The following EEF1G variants were observed in gnomAD, a reference collection of about 807,000 sequenced individuals.
The protein encoded by EEF1G is eukaryotic translation elongation factor 1 gamma, also known as elongation factor 1-gamma.
EEF1G carries 14 observed loss-of-function variants against 58.3 expected under a neutral mutation model. The ratio of observed to expected loss-of-function variants is 0.24; its 90% CI spans 0.16 to 0.38. EEF1G has a LOEUF of 0.38. Among genes scored for constraint, EEF1G ranks in the 10% least tolerant of loss-of-function variants. EEF1G has a pLI of 1.00. For synonymous variants in EEF1G, 180 were observed against 206.8 expected (o/e 0.87, Z 1.11); for missense variants, 322 against 550.1 (o/e 0.59, Z 4.15).
chr11:62,567,833 C>T (rs1202413449), intron 5 of EEF1G, among the ~76,000 whole-genome samples: 2 of 151,650 alleles, frequency 1.3e-5, no homozygotes, highest in African/African-American at 4.8e-5. Flanking sequence ...GCCTCCCATG[C>T]CTTAGCCTTC....
At chr11:62,561,683 A>AAAAAAAAAAAAAAC (rs1941497542) in intron 7 of EEF1G, among the ~76,000 whole-genome samples, 1 of 6,938 alleles carries the variant, frequency 1.4e-4, no homozygotes, top group Non-Finnish European at 3.5e-4. Flanking sequence ...AAAAAAAAAC[A>AAAAAAAAAAAAAAC]AAAAAAAAAA....
chr11:62,562,422 T>C (rs554610592), intron 7 of EEF1G, among the ~76,000 whole-genome samples: 31 of 150,948 alleles, frequency 2.1e-4, no homozygotes, highest in Middle Eastern at 3.4e-3. Flanking sequence ...TACATACACA[T>C]ATATATATAT....
chr11:62,573,131 T>G (rs1009826991), intron 1 of EEF1G: 1 of 162,914 alleles, frequency 6.1e-6, no homozygotes, highest in African/African-American at 2.4e-5. Flanking sequence ...GCCTGCCTAC[T>G]CTACTGCTCA....
rs756807670 is a variant in EEF1G at position 62,570,934 on chromosome 11, C to G, written c.522+31G>C. The G allele has an allele frequency of 6.8e-6, 11 of 1,613,180 alleles. No homozygotes were observed. In the East Asian group the frequency reaches 1.1e-4, roughly 16 times the overall value. ...ACTTTGTTTCTAATCCCCATCTACC[C>G]ACTGCCAAATGGATTTTCCATAAAC... On this transcript the variant is annotated intron_variant, in intron 5 of 9. Coordinates refer to ENST00000329251, the MANE Select transcript of EEF1G (RefSeq NM_001404.5).
intron 1 of EEF1G, chr11:62,573,074 C>T: frequency 5.5e-6 from 1 of 183,084 alleles, no homozygotes; most frequent in South Asian, 1.5e-4. Context: ...CAAACATACT[C>T]TCCTCCCTTC....
intron 7 of EEF1G, among the ~76,000 whole-genome samples, chr11:62,566,036 C>T (rs1238971391): frequency 2.6e-5 from 4 of 152,054 alleles, no homozygotes; most frequent in Non-Finnish European, 5.9e-5. Flanking sequence ...AGAGGAGTTC[C>T]AAAGCAAAGT....
At chr11:62,571,340 A>T (rs1236259057) in intron 4 of EEF1G, among the ~76,000 whole-genome samples, 200 bp downstream of exon 4, 2 of 152,298 alleles carry the variant, frequency 1.3e-5, no homozygotes, top group East Asian at 3.9e-4. Context: ...TCACAGCAGC[A>T]ATCCCTCTTC....
intron 5 of EEF1G, 92 bp from the exon 6 acceptor site, chr11:62,567,620 T>C (rs1941572368): frequency 7.6e-7 from 1 of 1,322,640 alleles, no homozygotes; most frequent in Non-Finnish European, 1.0e-6. Context: ...TAAGTCCCAG[T>C]GCTCACCTTC....
intron 5 of EEF1G, among the ~76,000 whole-genome samples, chr11:62,569,856 C>T (rs1271225492): frequency 2.6e-5 from 4 of 152,166 alleles, no homozygotes; most frequent in Non-Finnish European, 5.9e-5. Flanking sequence ...AGCATCAGTC[C>T]AAGAGCTTTT....
chr11:62,566,020 A>C (rs998051943), intron 7 of EEF1G, among the ~76,000 whole-genome samples: 5 of 152,208 alleles, frequency 3.3e-5, no homozygotes, highest in African/African-American at 1.2e-4. Flanking sequence ...GAAAAAGTAC[A>C]GAGAAAGAGG....
intron 9 of EEF1G, 42 bp downstream of exon 9, chr11:62,560,027 C>T (rs760126527): frequency 1.4e-5 from 23 of 1,612,890 alleles, no homozygotes; most frequent in Non-Finnish European, 1.6e-5. Flanking sequence ...TCTTATATCC[C>T]TGCCCCACCC....
In EEF1G at chr11:62,561,691, A is replaced by C. The variant is rs1166547807; in HGVS notation, c.858-1237T>G. Among the ~76,000 whole-genome samples the C allele has an allele frequency of 1.1e-4, 17 of 151,488 alleles. 1 individual carries two copies. Among genetic ancestry groups the C allele is most frequent in the African/African-American group, 2.4e-4 (10 of 41,178 alleles). ...AAAAACAAAAAAAAAACAAAAAAAAAAAAAACAACCAAAAAACACATATAT... is the reference window on the plus strand; with the variant it reads ...AAAAACAAAAAAAAAACAAAAAAAACAAAAACAACCAAAAAACACATATAT... On this transcript the variant is annotated intron_variant, in intron 7 of 9. Transcript: ENST00000329251.
chr11:62,571,993 T>A (rs1417685289), intron 2 of EEF1G, 92 bp from the exon 3 acceptor site: 1 of 1,073,052 alleles, frequency 9.3e-7, no homozygotes, highest in African/African-American at 1.6e-5. Context: ...AATACTTATA[T>A]AAGGCTGATG....
At chr11:62,561,441 G>A (rs551419271) in intron 7 of EEF1G, among the ~76,000 whole-genome samples, 35 of 150,528 alleles carry the variant, frequency 2.3e-4, no homozygotes, top group African/African-American at 6.8e-4. Context: ...TTGGGAGGCC[G>A]AGGCGGGCGG....
rs2134288669 is a variant in EEF1G at position 62,559,812 on chromosome 11, T to C, written c.1181A>G (p.Tyr394Cys). The change falls in exon 10 of 10, where the codon TAC becomes TGC. Residue 394 changes from tyrosine (Y) to cysteine (C), a missense_variant. By Grantham distance (194) the Tyr-to-Cys change is radical. Coordinates refer to ENST00000329251, the MANE Select transcript of EEF1G (RefSeq NM_001404.5). Reference sequence around the variant, plus strand: ...CAGTTTCCGCCATGTGTATGACTCGTAGTCCACCTGCCAATCTGGACTCAG... The same window carrying C: ...CAGTTTCCGCCATGTGTATGACTCGCAGTCCACCTGCCAATCTGGACTCAG... ...FPLSPDWQVD[Y>C]ESYTWRKLDP... 1.2e-6 allele frequency: 2 copies of C among 1,613,988 alleles called. No individual in the cohort carries two copies. The highest frequency in any genetic ancestry group is 2.2e-5 in the East Asian group (1 of 44,888).
chr11:62,570,879 C>G, intron 5 of EEF1G, 86 bp downstream of exon 5: 2 of 1,573,488 alleles, frequency 1.3e-6, no homozygotes, highest in Non-Finnish European at 1.7e-6. Flanking sequence ...AAGTCCTCAG[C>G]AGAATACAGG....
intron 5 of EEF1G, among the ~76,000 whole-genome samples, chr11:62,568,691 G>A (rs373820972): frequency 2.0e-5 from 3 of 151,860 alleles, no homozygotes; most frequent in East Asian, 1.9e-4. Context: ...TTCAAACGTC[G>A]GCCAGGAGCG....
At chr11:62,573,444 G>T (rs945026209) in intron 1 of EEF1G, 17 of 292,114 alleles carry the variant, frequency 5.8e-5, no homozygotes, top group African/African-American at 3.7e-4. Flanking sequence ...ACCTTTAACC[G>T]TGCCAGCCGG....
At chr11:62,573,459 G>A in intron 1 of EEF1G, 1 of 321,436 alleles carries the variant, frequency 3.1e-6, no homozygotes, top group Non-Finnish European at 5.9e-6. Context: ...AGCCGGACCT[G>A]CCTACAAAGA....
Sources: gnomAD v4.1 joint callset for allele counts (sites outside exome capture counted in the v4.1 genomes callset) on GRCh38, gnomAD v4.1.1 for gene constraint, MANE v1.5 for transcripts, NCBI Gene and HGNC (gene_info 2026-07-23, HGNC 2026-07-21) for gene names.